Variants in MEGF6 observed in about 807,000 individuals in gnomAD.
MEGF6 encodes multiple epidermal growth factor-like domains protein 6.
Under a neutral mutation model 207.1 loss-of-function variants are expected in MEGF6, and 184 were observed. The ratio of observed to expected loss-of-function variants is 0.89; its 90% CI spans 0.79 to 1.00. The LOEUF is 1.00. Ranked by LOEUF, MEGF6 falls within the 50% of genes least tolerant of loss-of-function variation. MEGF6 has a pLI of 0.00. For missense variants in MEGF6, 2,282 were observed against 2,202.9 expected (o/e 1.04, Z -0.72); for synonymous variants, 1,038 against 910.0 (o/e 1.14, Z -2.53).
At chr1:3,552,372 G>A (rs1642914358) in intron 4 of MEGF6, among the ~76,000 whole-genome samples, 1 of 152,234 alleles carries the variant, frequency 6.6e-6, no homozygotes, top group Admixed American at 6.5e-5. Context: ...AACAGGACTG[G>A]GGTCTAGGAC....
intron 25 of MEGF6, 78 bp from the exon 26 acceptor site, chr1:3,498,577 C>G (rs534926348): frequency 2.7e-6 from 4 of 1,489,694 alleles, no homozygotes; most frequent in African/African-American, 2.8e-5. Flanking sequence ...GCTTCCTGCA[C>G]GCAGAGCTGA....
intron 18 of MEGF6, 138 bp downstream of exon 18, chr1:3,501,658 G>C (rs1334402505): frequency 1.1e-5 from 14 of 1,258,918 alleles, no homozygotes; most frequent in Non-Finnish European, 7.5e-6. Context: ...CTACCCCAGG[G>C]GAGTGCACTG....
rs367986624 is a variant in MEGF6 at position 3,499,706 on chromosome 1, G to A, written c.2847C>T (p.Ala949=). The stretch of plus-strand genomic sequence containing the variant: ...TGCGACAGTCCAATCCAAAGAAGCC[G>A]GCCGGGCAGGCTGCAGACAGCGGGC... ...RGTFCEHACP[A]GFFGLDCRSA... The change falls in exon 23 of 37, where the codon GCC becomes GCT. Residue 949 remains alanine, a synonymous_variant. Transcript: ENST00000356575. The A allele has an allele frequency of 4.1e-5, 65 of 1,604,324 alleles. No homozygotes were observed. The highest frequency in any genetic ancestry group is 3.5e-4 in the African/African-American group (26 of 74,944).
intron 2 of MEGF6, among the ~76,000 whole-genome samples, chr1:3,597,784 C>T (rs1405942954): frequency 6.6e-6 from 1 of 152,186 alleles, no homozygotes; most frequent in African/African-American, 2.4e-5. Context: ...TGATCTCGGA[C>T]TTCCGGCCTC....
At chr1:3,620,228 T>C in the MEGF6 span, among the ~76,000 whole-genome samples, 1 of 152,204 alleles carries the variant, frequency 6.6e-6, no homozygotes, top group Admixed American at 6.5e-5. Context: ...GGAACTTATG[T>C]TTAAAAGCAA....
chr1:3,505,430 C>T lies in MEGF6; in HGVS notation c.2045G>A (p.Cys682Tyr). 6.2e-7 allele frequency: 1 copy of T among 1,610,476 alleles called. No homozygotes were observed. Among genetic ancestry groups the T allele is most frequent in the African/African-American group, 1.3e-5 (1 of 74,850 alleles). Residue 682 changes from cysteine to tyrosine, a missense_variant, in exon 16 of 37, where the codon TGT becomes TAT. Cys to Tyr is a radical substitution (Grantham distance 194). Transcript: ENST00000356575. ...SCKAGFRGER[C>Y]QAECELGYFG... ...CCCATGCCTGGACTCACCTGCCTGA[C>T]AGCGCTCGCCCCGGAAGCCAGCCTT...
intron 4 of MEGF6, among the ~76,000 whole-genome samples, chr1:3,571,085 G>T (rs1194408934): frequency 6.6e-6 from 1 of 152,186 alleles, no homozygotes; most frequent in African/African-American, 2.4e-5. Context: ...ACAGCCAACA[G>T]CCTGGGGAGC....
intron 36 of MEGF6, 128 bp from the exon 37 acceptor site, chr1:3,490,717 G>GCCCACCCATCCTT (rs1640320003): frequency 8.8e-7 from 1 of 1,140,690 alleles, no homozygotes; most frequent in Non-Finnish European, 1.3e-6. Flanking sequence ...GGTGGGTGGG[G>GCCCACCCATCCTT]CCCACCCATC....
At chr1:3,507,580 A>G (rs1373509831) in intron 14 of MEGF6, among the ~76,000 whole-genome samples, 4 of 152,008 alleles carry the variant, frequency 2.6e-5, no homozygotes, top group African/African-American at 9.7e-5. Flanking sequence ...AAAAAGCAAT[A>G]CCCCTCTCAT....
chr1:3,599,901 C>T (rs1644131723), intron 2 of MEGF6, among the ~76,000 whole-genome samples: 1 of 152,220 alleles, frequency 6.6e-6, no homozygotes, highest in Non-Finnish European at 1.5e-5. Flanking sequence ...TAGGCTCTGA[C>T]AGGCACGACC....
At position 3,494,714 on chromosome 1, in the gene MEGF6, C is replaced by A; in HGVS notation, c.3899G>T (p.Gly1300Val). 6.3e-7 allele frequency: 1 copy of A among 1,589,242 alleles called. No homozygotes were observed. Among genetic ancestry groups the A allele is most frequent in the Non-Finnish European group, 8.6e-7 (1 of 1,169,192 alleles). The change falls in exon 31 of 37, where the codon GGC becomes GTC. Residue 1300 changes from glycine (G) to valine (V), a missense_variant. Transcript: ENST00000356575. ...TCTGCAGGAGCAGGTGTGCTCGCAGCCCACGCCAAACCGGTTCTGGGGGCA... is the reference window on the plus strand; with the variant it reads ...TCTGCAGGAGCAGGTGTGCTCGCAGACCACGCCAAACCGGTTCTGGGGGCA... ...RGCPQNRFGV[G>V]CEHTCSCRNG...
intron 4 of MEGF6, among the ~76,000 whole-genome samples, chr1:3,555,954 C>A (rs1158522082): frequency 6.6e-6 from 1 of 152,238 alleles, no homozygotes; most frequent in African/African-American, 2.4e-5. Flanking sequence ...ACTGTGGCTG[C>A]AAGTCCACCT....
intron 4 of MEGF6, among the ~76,000 whole-genome samples, chr1:3,546,471 A>AC (rs1202105162): frequency 8.5e-5 from 13 of 152,292 alleles, no homozygotes; most frequent in African/African-American, 2.9e-4. Flanking sequence ...GGTGAGGAGT[A>AC]CCCCGAGTGG....
At chr1:3,547,692 C>A (rs542707985) in intron 4 of MEGF6, among the ~76,000 whole-genome samples, 1 of 152,304 alleles carries the variant, frequency 6.6e-6, no homozygotes, top group South Asian at 2.1e-4. Flanking sequence ...GAGCCCTGAA[C>A]ACCACATCAA....
At chr1:3,518,092 C>T (rs1335663436) in intron 5 of MEGF6, among the ~76,000 whole-genome samples, 1 of 152,168 alleles carries the variant, frequency 6.6e-6, no homozygotes, top group Non-Finnish European at 1.5e-5. Flanking sequence ...TGTTGGGGGA[C>T]ACTCTGTTAT....
In MEGF6 at chr1:3,490,280, C is replaced by G. The variant is rs1640299096; in HGVS notation, c.*248G>C. 2 of 551,570 alleles carry G rather than the reference C, an allele frequency of 3.6e-6. No homozygotes were observed. Among genetic ancestry groups the G allele is most frequent in the Non-Finnish European group, 6.4e-6 (2 of 314,760 alleles). 34.2% of individuals were successfully genotyped at this position (551,570 alleles called of 1,614,324 possible). A position where few individuals can be genotyped will look rare whatever the true frequency, so the allele number is the denominator to read the frequency against. On this transcript the variant is annotated 3_prime_UTR_variant, in exon 37 of 37. Coordinates refer to ENST00000356575, the MANE Select transcript of MEGF6 (RefSeq NM_001409.4). ...TCCTCAGCCCAGGCCCAGAGCGTGCCCCTGGGTTCTGCAGAGCCAGGCCAG... is the reference window on the plus strand; with the variant it reads ...TCCTCAGCCCAGGCCCAGAGCGTGCGCCTGGGTTCTGCAGAGCCAGGCCAG...
chr1:3,505,398 C>CCCGG (rs762755724), intron 16 of MEGF6, 24 bp downstream of exon 16: 7 of 1,578,934 alleles, frequency 4.4e-6, no homozygotes, highest in Non-Finnish European at 6.0e-6. Context: ...GCCCCCCGCC[C>CCCGG]CCAGACCCCA....
intron 2 of MEGF6, among the ~76,000 whole-genome samples, chr1:3,596,342 C>T (rs1644065062): frequency 6.6e-6 from 1 of 152,012 alleles, no homozygotes; most frequent in African/African-American, 2.4e-5. Flanking sequence ...GAGACCCCAG[C>T]TACCCAGAGG....
In MEGF6 at chr1:3,579,938, G is replaced by A. The variant is rs1334876472; in HGVS notation, c.377-9C>T. On this transcript the variant is annotated splice_polypyrimidine_tract_variant and intron_variant, in intron 3 of 36. Coordinates refer to ENST00000356575, the MANE Select transcript of MEGF6 (RefSeq NM_001409.4). ...GCTGGCGCTGCATTCAGCTGCGGAG[G>A]GAAGGAGAAAATCGGTGAGAGGGGC... 1 of 1,512,670 alleles carries A rather than the reference G, an allele frequency of 6.6e-7. No homozygotes were observed. Among genetic ancestry groups the A allele is most frequent in the Non-Finnish European group, 8.8e-7 (1 of 1,136,512 alleles). The allele number at this position is 1,512,670 out of a possible 1,614,324, so 93.7% of individuals were successfully genotyped here.
Sources: gnomAD v4.1 joint callset for allele counts (sites outside exome capture counted in the v4.1 genomes callset) on GRCh38, gnomAD v4.1.1 for gene constraint, MANE v1.5 for transcripts, NCBI Gene and HGNC (gene_info 2026-07-23, HGNC 2026-07-21) for gene names.